Variants in GPC6 observed in about 807,000 individuals in gnomAD.
GPC6 encodes glypican 6, also known as glypican-6.
GPC6 carries 14 observed loss-of-function variants against 55.2 expected under a neutral mutation model. The observed-to-expected ratio is 0.25, with a 90% CI of 0.17 to 0.40. The LOEUF (loss-of-function observed/expected upper bound fraction) is 0.40, where lower values mean the gene tolerates loss of function less well. GPC6 is among the 10% of genes least tolerant of loss of function. The pLI, the probability that GPC6 is intolerant of heterozygous loss-of-function variation, is 1.00. For synonymous variants in GPC6, 278 were observed against 259.6 expected, an observed-to-expected ratio of 1.07 and a Z score of -0.68; for missense variants, 641 against 708.5, an observed-to-expected ratio of 0.90 and a Z score of 1.08.
chr13:93,784,139 A>G (rs1885748052), intron 2 of GPC6, among the ~76,000 whole-genome samples: 1 of 152,150 alleles, frequency 6.6e-6, no homozygotes, highest in South Asian at 2.1e-4. Context: ...TGAAATCAAG[A>G]AGAGATAATC....
intron 2 of GPC6, among the ~76,000 whole-genome samples, chr13:93,574,862 G>C (rs926438923): frequency 6.6e-6 from 1 of 152,126 alleles, no homozygotes; most frequent in Non-Finnish European, 1.5e-5. Context: ...TTAGCATATT[G>C]TTTTAGAGGT....
intron 3 of GPC6, among the ~76,000 whole-genome samples, chr13:93,935,827 G>C (rs1878410719): frequency 6.6e-6 from 1 of 152,116 alleles, no homozygotes; most frequent in Non-Finnish European, 1.5e-5. Flanking sequence ...GTAGTTCTTG[G>C]ACCATCTGCT....
intron 2 of GPC6, among the ~76,000 whole-genome samples, chr13:93,702,283 G>T (rs1428402455): frequency 6.6e-6 from 1 of 152,006 alleles, no homozygotes; most frequent in Non-Finnish European, 1.5e-5. Flanking sequence ...GTAATATTTT[G>T]ATAGGAATCT....
intron 2 of GPC6, among the ~76,000 whole-genome samples, chr13:93,710,688 T>TCC (rs150119808): frequency 6.2e-4 from 88 of 141,254 alleles, no homozygotes; most frequent in African/African-American, 2.3e-3. Context: ...TCATTTAAAG[T>TCC]CCCCCCCCCC....
intron 3 of GPC6, among the ~76,000 whole-genome samples, chr13:93,901,228 C>T (rs1156571946): frequency 1.3e-5 from 2 of 152,084 alleles, no homozygotes; most frequent in Non-Finnish European, 2.9e-5. Flanking sequence ...AAAATATATA[C>T]TCTACTGCAG....
chr13:93,663,460 C>T (rs575414611), intron 2 of GPC6, among the ~76,000 whole-genome samples: 1 of 152,242 alleles, frequency 6.6e-6, no homozygotes, highest in African/African-American at 2.4e-5. Context: ...AGCTTATGTA[C>T]TTAATTTTTG....
At chr13:93,338,626 C>T (rs1477763081) in intron 1 of GPC6, among the ~76,000 whole-genome samples, 1 of 152,076 alleles carries the variant, frequency 6.6e-6, no homozygotes, top group African/African-American at 2.4e-5. Flanking sequence ...TTAATTAGGG[C>T]CCTTTAACAT....
intron 2 of GPC6, among the ~76,000 whole-genome samples, chr13:93,681,976 T>C (rs938803076): frequency 6.6e-6 from 1 of 152,198 alleles, no homozygotes; most frequent in Admixed American, 6.5e-5. Flanking sequence ...CTTAATTGTA[T>C]TGATTTTTTT....
At chr13:93,238,914 C>T (rs1310485411) in intron 1 of GPC6, among the ~76,000 whole-genome samples, 1 of 152,090 alleles carries the variant, frequency 6.6e-6, no homozygotes, top group Non-Finnish European at 1.5e-5. Context: ...ATATGTTGAA[C>T]CATCCTTGCA....
chr13:94,284,506 A>C (rs955408619), intron 4 of GPC6, among the ~76,000 whole-genome samples: 1 of 150,820 alleles, frequency 6.6e-6, no homozygotes, highest in African/African-American at 2.4e-5. Flanking sequence ...ATTTGTGTAG[A>C]TTTCTCTGGC....
At chr13:93,763,676 T>C (rs1885022917) in intron 2 of GPC6, among the ~76,000 whole-genome samples, 1 of 152,234 alleles carries the variant, frequency 6.6e-6, no homozygotes. Flanking sequence ...TTCTGATTTC[T>C]AAAAAGAAAT....
At chr13:93,833,954 G>A (rs1303786457) in intron 3 of GPC6, among the ~76,000 whole-genome samples, 1 of 152,094 alleles carries the variant, frequency 6.6e-6, no homozygotes, top group Non-Finnish European at 1.5e-5. Context: ...TCTATGGTCA[G>A]CCAGCCAGGA....
At chr13:93,863,272 A>G (rs1204658662) in intron 3 of GPC6, among the ~76,000 whole-genome samples, 1 of 151,678 alleles carries the variant, frequency 6.6e-6, no homozygotes, top group African/African-American at 2.4e-5. Context: ...TTATTTTCAT[A>G]TGAGCCATGG....
chr13:94,237,309 T>G (rs1890908620), intron 4 of GPC6, among the ~76,000 whole-genome samples: 1 of 150,752 alleles, frequency 6.6e-6, no homozygotes, highest in South Asian at 2.1e-4. Context: ...CCTTCCTTCT[T>G]TCTTTTCTCC....
In GPC6 at chr13:93,991,264, T is replaced by G. The variant is rs78385782; in HGVS notation, c.712-36465T>G. On this transcript the variant is annotated intron_variant, in intron 3 of 8. Transcript: ENST00000377047. ...TTTAAGTTTATTCACTCAGTTAATT[T>G]AAGAAATATTGCTTAGGAAGAAAAA... 3.1e-3 allele frequency among the ~76,000 whole-genome samples: 478 copies of G among 152,286 alleles called. 1 individual carries two copies. The highest frequency in any genetic ancestry group is 5.2e-3 in the Non-Finnish European group (356 of 67,998).
chr13:93,560,482 T>A (rs1247100103), intron 2 of GPC6, among the ~76,000 whole-genome samples: 4 of 152,074 alleles, frequency 2.6e-5, no homozygotes, highest in African/African-American at 9.7e-5. Flanking sequence ...ATCACACCAC[T>A]GCACTGTAGC....
intron 4 of GPC6, among the ~76,000 whole-genome samples, chr13:94,172,976 G>A (rs1401272842): frequency 1.3e-5 from 2 of 152,166 alleles, no homozygotes; most frequent in Non-Finnish European, 2.9e-5. Flanking sequence ...GGTTGAGAAG[G>A]ACTTGACCTT....
intron 1 of GPC6, among the ~76,000 whole-genome samples, chr13:93,455,948 C>T (rs1193995207): frequency 1.3e-5 from 2 of 152,144 alleles, no homozygotes; most frequent in African/African-American, 4.8e-5. Flanking sequence ...ATAAAGTTCT[C>T]TTTATTTACT....
intron 6 of GPC6, among the ~76,000 whole-genome samples, chr13:94,311,490 A>T (rs1278789513): frequency 1.3e-5 from 2 of 152,158 alleles, no homozygotes; most frequent in African/African-American, 4.8e-5. Context: ...TCTTAAATAC[A>T]TGCACTCTAC....
Sources: allele counts gnomAD v4.1 joint callset (sites outside exome capture counted in the v4.1 genomes callset), GRCh38; gene constraint gnomAD v4.1.1; transcripts MANE v1.5; gene names NCBI Gene and HGNC (gene_info 2026-07-23, HGNC 2026-07-21).